The following RBFOX1 variants were observed in gnomAD, a reference collection of about 807,000 sequenced individuals.
RBFOX1 encodes RNA binding protein fox-1 homolog 1.
Under a neutral mutation model 57.7 loss-of-function variants are expected in RBFOX1, and 8 were observed. The observed-to-expected ratio is 0.14, with a 90% CI of 0.08 to 0.25. The LOEUF (loss-of-function observed/expected upper bound fraction) is 0.25. Ranked by LOEUF, RBFOX1 falls within the 10% of genes least tolerant of loss-of-function variation. The pLI is 1.00. For synonymous variants in RBFOX1, 326 were observed against 222.4 expected (o/e 1.47, Z -4.15); for missense variants, 611 against 548.5 (o/e 1.11, Z -1.14).
intron 4 of RBFOX1, among the ~76,000 whole-genome samples, chr16:5,962,647 A>G (rs995857424): frequency 2.0e-5 from 3 of 152,132 alleles, no homozygotes; most frequent in African/African-American, 7.2e-5. Context: ...TGATATGTAA[A>G]GCACTGAGAA....
At chr16:6,549,963 T>A (rs1275743407) in intron 2 of RBFOX1, among the ~76,000 whole-genome samples, 1 of 152,154 alleles carries the variant, frequency 6.6e-6, no homozygotes, top group Non-Finnish European at 1.5e-5. Context: ...CTGGCTTTGC[T>A]TTTACAGTGG....
chr16:6,760,394 C>G (rs780987324), intron 3 of RBFOX1, among the ~76,000 whole-genome samples: 1 of 152,168 alleles, frequency 6.6e-6, no homozygotes, highest in African/African-American at 2.4e-5. Flanking sequence ...AACATCTTAA[C>G]TATCTTTTAA....
chr16:5,328,504 C>G (rs188855336), intron 1 of RBFOX1, among the ~76,000 whole-genome samples: 1 of 152,238 alleles, frequency 6.6e-6, no homozygotes, highest in East Asian at 1.9e-4. Context: ...GGAATGCCTT[C>G]AAGAATAACT....
At chr16:7,276,560 T>G (rs919879694) in intron 4 of RBFOX1, among the ~76,000 whole-genome samples, 3 of 152,116 alleles carry the variant, frequency 2.0e-5, no homozygotes, top group African/African-American at 7.2e-5. Context: ...ACTGATTTTT[T>G]TTTAAATTTT....
chr16:7,110,633 C>T (rs2064553981), intron 4 of RBFOX1, among the ~76,000 whole-genome samples: 2 of 152,128 alleles, frequency 1.3e-5, no homozygotes, highest in African/African-American at 4.8e-5. Context: ...GGCATATTAA[C>T]ATGAGACATG....
intron 4 of RBFOX1, among the ~76,000 whole-genome samples, chr16:7,083,229 C>T (rs998096987): frequency 2.0e-5 from 3 of 152,180 alleles, no homozygotes; most frequent in South Asian, 2.1e-4. Flanking sequence ...AACCTCTGGA[C>T]TCCAGAGTAC....
intron 2 of RBFOX1, among the ~76,000 whole-genome samples, chr16:6,380,872 T>C (rs768096339): frequency 6.6e-6 from 1 of 152,208 alleles, no homozygotes; most frequent in Non-Finnish European, 1.5e-5. Flanking sequence ...GTTGCCAACA[T>C]AGGCCATTAT....
At chr16:6,821,555 T>G (rs1251179419) in intron 3 of RBFOX1, among the ~76,000 whole-genome samples, 1 of 152,174 alleles carries the variant, frequency 6.6e-6, no homozygotes, top group African/African-American at 2.4e-5. Flanking sequence ...TTTTCATTTC[T>G]CTCTCCCCCC....
chr16:7,081,408 C>T (rs913247624), intron 4 of RBFOX1, among the ~76,000 whole-genome samples: 15 of 152,106 alleles, frequency 9.9e-5, no homozygotes, highest in African/African-American at 3.6e-4. Flanking sequence ...TGTTTGTGTC[C>T]TAAACTTTAG....
At chr16:5,645,266 A>C (rs2049013399) in intron 3 of RBFOX1, among the ~76,000 whole-genome samples, 2 of 12,484 alleles carry the variant, frequency 1.6e-4, no homozygotes, top group South Asian at 0.013. Flanking sequence ...ACAAAAACAG[A>C]AACAAAAACA....
intron 4 of RBFOX1, among the ~76,000 whole-genome samples, chr16:7,281,498 A>G (rs2095542821): frequency 6.6e-6 from 1 of 152,112 alleles, no homozygotes; most frequent in South Asian, 2.1e-4. Flanking sequence ...GTTTGTAGTG[A>G]AAAAGGATTG....
chr16:6,432,143 A>T (rs2094118429), intron 2 of RBFOX1, among the ~76,000 whole-genome samples: 1 of 151,764 alleles, frequency 6.6e-6, no homozygotes, highest in Non-Finnish European at 1.5e-5. Context: ...TGCTTTTTAA[A>T]TTTTTTGTAA....
At chr16:5,841,258 T>G (rs2056616420) in intron 3 of RBFOX1, among the ~76,000 whole-genome samples, 1 of 152,180 alleles carries the variant, frequency 6.6e-6, no homozygotes, top group African/African-American at 2.4e-5. Context: ...ATAAACTTGC[T>G]TAGATTCAGT....
intron 1 of RBFOX1, chr16:6,092,769 G>A (rs1037724333): frequency 6.6e-6 from 1 of 152,156 alleles, no homozygotes; most frequent in Admixed American, 6.5e-5. Flanking sequence ...TGTATCAGTA[G>A]TGCCATGCTG....
At chr16:5,274,534 T>C (rs918951216) in intron 1 of RBFOX1, among the ~76,000 whole-genome samples, 9 of 152,010 alleles carry the variant, frequency 5.9e-5, no homozygotes, top group Non-Finnish European at 1.3e-4. Context: ...GTCTTAAAAC[T>C]AAACAAAACA....
At chr16:7,038,035 T>C (rs1330013388) in intron 3 of RBFOX1, among the ~76,000 whole-genome samples, 2 of 152,196 alleles carry the variant, frequency 1.3e-5, no homozygotes, top group African/African-American at 2.4e-5. Flanking sequence ...AGAACATATA[T>C]TCTATCCCAG....
At chr16:5,283,306 C>T (rs1430382320) in intron 1 of RBFOX1, among the ~76,000 whole-genome samples, 1 of 152,172 alleles carries the variant, frequency 6.6e-6, no homozygotes, top group Non-Finnish European at 1.5e-5. Context: ...GGGTCGGAGC[C>T]CCCACATAGA....
At chr16:6,289,016 G>C (rs2077183430) in intron 1 of RBFOX1, among the ~76,000 whole-genome samples, 1 of 152,098 alleles carries the variant, frequency 6.6e-6, no homozygotes, top group African/African-American at 2.4e-5. Flanking sequence ...TGTGTCTCCA[G>C]AATCTGAACA....
At chr16:7,194,999 T>C (rs2086337064) in intron 4 of RBFOX1, among the ~76,000 whole-genome samples, 1 of 151,798 alleles carries the variant, frequency 6.6e-6, no homozygotes, top group Non-Finnish European at 1.5e-5. Context: ...TCGAGGTTAA[T>C]AAAATTGATT....
Sources: gnomAD v4.1 joint callset for allele counts (sites outside exome capture counted in the v4.1 genomes callset) on GRCh38, gnomAD v4.1.1 for gene constraint, MANE v1.5 for transcripts, NCBI Gene and HGNC (gene_info 2026-07-23, HGNC 2026-07-21) for gene names.